The following RNF128 variants were observed in gnomAD, a reference collection of about 807,000 sequenced individuals.
RNF128 encodes the protein E3 ubiquitin-protein ligase RNF128.
A neutral mutation model predicts 26.2 loss-of-function variants in RNF128; 13 were observed. That is an observed-to-expected ratio of 0.50 (90% CI 0.32 to 0.79). RNF128 has a LOEUF of 0.79. Among genes scored for constraint, RNF128 ranks in the 30% least tolerant of loss-of-function variants. RNF128 has a pLI of 0.03. For synonymous variants in RNF128, 149 were observed against 142.5 expected (o/e 1.05, Z -0.32); for missense variants, 315 against 349.7 (o/e 0.90, Z 0.79).
At chrX:106,778,954 C>T (rs1362129447) in intron 2 of RNF128, among the ~76,000 whole-genome samples, 1 of 112,004 alleles carries the variant, frequency 8.9e-6, no homozygotes, top group South Asian at 3.7e-4. Flanking sequence ...CCACTATTAA[C>T]ATATATACAT....
At chrX:106,713,085 T>C (rs760746914) in intron 1 of RNF128, among the ~76,000 whole-genome samples, 1 of 108,295 alleles carries the variant, frequency 9.2e-6, no homozygotes, top group South Asian at 4.1e-4. Context: ...TTCACCATGT[T>C]GGCCAGGCTG....
intron 1 of RNF128, among the ~76,000 whole-genome samples, chrX:106,757,749 A>T (rs1435126524): frequency 3.7e-5 from 4 of 108,792 alleles, no homozygotes; most frequent in South Asian, 3.8e-4. Context: ...AAATAAATTT[A>T]AAAAAAACCC....
chrX:106,763,927 T>TTTTGGTTTGG lies in RNF128; in HGVS notation c.485-8957_485-8948dup, dbSNP rs749984429. 4.6e-3 allele frequency among the ~76,000 whole-genome samples: 482 copies of TTTTGGTTTGG among 105,778 alleles called. 3 individuals are homozygous for TTTTGGTTTGG. Among genetic ancestry groups the TTTTGGTTTGG allele is most frequent in the African/African-American group, 7.4e-3 (207 of 28,073 alleles). The allele number at this position is 105,778 out of a possible 115,157, so 91.9% of individuals were successfully genotyped here. On this transcript the variant is annotated intron_variant, in intron 1 of 6. Transcript: ENST00000255499. ...TGTACATTTCTTGCCTATCCTTGTT[T>TTTTGGTTTGG]TTTGGTTTGGTTTGGTTTGGTTTGG...
intron 1 of RNF128, among the ~76,000 whole-genome samples, chrX:106,698,595 A>C (rs1353928376): frequency 9.0e-6 from 1 of 111,512 alleles, no homozygotes; most frequent in East Asian, 2.8e-4. Flanking sequence ...TTGCATTTCA[A>C]ATGAGCCTCA....
chrX:106,760,233 A>C (rs2147686762), intron 1 of RNF128, among the ~76,000 whole-genome samples: 1 of 112,086 alleles, frequency 8.9e-6, no homozygotes, highest in South Asian at 3.7e-4. Context: ...TCCTAAAAAT[A>C]GCAGATAAAG....
At chrX:106,718,864 C>T (rs924146819) in intron 1 of RNF128, among the ~76,000 whole-genome samples, 1 of 111,725 alleles carries the variant, frequency 9.0e-6, no homozygotes, top group Admixed American at 9.5e-5. Context: ...TTCAGTTGTC[C>T]CAACTACGTG....
intron 1 of RNF128, among the ~76,000 whole-genome samples, chrX:106,746,342 T>C (rs1175057131): frequency 9.0e-6 from 1 of 111,370 alleles, no homozygotes; most frequent in Non-Finnish European, 1.9e-5. Flanking sequence ...TGCTAGAATA[T>C]TTAATATATT....
chrX:106,748,609 T>C (rs984534108), intron 1 of RNF128, among the ~76,000 whole-genome samples: 2 of 112,165 alleles, frequency 1.8e-5, no homozygotes, highest in African/African-American at 6.5e-5. Context: ...TGAAATCCTG[T>C]CATTTGTAGC....
At chrX:106,775,496 G>A (rs760073216) in intron 2 of RNF128, among the ~76,000 whole-genome samples, 17 of 111,642 alleles carry the variant, frequency 1.5e-4, no homozygotes, top group Non-Finnish European at 2.6e-4. Flanking sequence ...AACCTCTGTA[G>A]AAATGGTCAA....
intron 1 of RNF128, among the ~76,000 whole-genome samples, chrX:106,750,175 A>G (rs1929858089): frequency 8.9e-6 from 1 of 112,050 alleles, no homozygotes; most frequent in Non-Finnish European, 1.9e-5. Flanking sequence ...TCACGTGGCT[A>G]TGGTGGGAGT....
chrX:106,766,713 G>A (rs1346881188), intron 1 of RNF128, among the ~76,000 whole-genome samples: 16 of 111,802 alleles, frequency 1.4e-4, no homozygotes, highest in African/African-American at 5.2e-4. Flanking sequence ...AAGCTCTTTA[G>A]TTTAATTAGA....
chrX:106,719,304 C>T (rs1296735079), intron 1 of RNF128, among the ~76,000 whole-genome samples: 3 of 110,845 alleles, frequency 2.7e-5, no homozygotes, highest in Non-Finnish European at 5.7e-5. Context: ...ACTTCAACCT[C>T]CCCCACCCTG....
At position 106,727,016 on chromosome X, in the gene RNF128, G is replaced by T; in HGVS notation, c.103G>T (p.Gly35Cys). ...FLLALSPQAP[G>C]SRGAEAVWTA... ...GCTGGCCCTGAGTCCGCAGGCACCCGGTTCCCGGGGGGCTGAAGCAGTGTG... is the reference window on the plus strand; with the variant it reads ...GCTGGCCCTGAGTCCGCAGGCACCCTGTTCCCGGGGGGCTGAAGCAGTGTG... Residue 35 changes from glycine to cysteine, a missense_variant, in exon 1 of 7, where the codon GGT becomes TGT. By Grantham distance (159) the Gly-to-Cys change is radical. Coordinates refer to ENST00000255499, the MANE Select transcript of RNF128 (RefSeq NM_194463.2). 1 of 1,205,664 alleles carries T rather than the reference G, an allele frequency of 8.3e-7. No individual in the cohort carries two copies.
intron 6 of RNF128, among the ~76,000 whole-genome samples, chrX:106,795,204 G>T (rs1930893848): frequency 9.0e-6 from 1 of 111,307 alleles, no homozygotes; most frequent in Non-Finnish European, 1.9e-5. Flanking sequence ...CTATATTTAT[G>T]TGAATGAAGA....
intron 2 of RNF128, 103 bp from the exon 3 acceptor site, chrX:106,784,962 A>G (rs1930629178): frequency 5.3e-6 from 3 of 564,456 alleles, no homozygotes; most frequent in Non-Finnish European, 8.2e-6. Flanking sequence ...TGATTTGTAC[A>G]TTGACTTTTA....
Position 106,700,584 on chromosome X carries a change from G to GAT in RNF128, c.406+6178_406+6179dup, listed in dbSNP as rs1370496174. Among the ~76,000 whole-genome samples, 3 of 111,807 alleles carry GAT rather than the reference G, an allele frequency of 2.7e-5. No homozygotes were observed. In the South Asian group the frequency reaches 1.1e-3, roughly 42 times the overall value. On this transcript the variant is annotated intron_variant, in intron 1 of 6. Transcript: ENST00000324342. ...TTTTTAAATTGTTTTTATTTTTACT[G>GAT]ATACAAGTAATAAATGAGTAGTTTC...
chrX:106,701,371 A>G (rs1020072478), intron 1 of RNF128, among the ~76,000 whole-genome samples: 2 of 111,451 alleles, frequency 1.8e-5, no homozygotes, highest in African/African-American at 6.5e-5. Flanking sequence ...TCAGGACTTC[A>G]GTAAGATTTT....
chrX:106,775,018 A>G (rs1043241604), intron 2 of RNF128, among the ~76,000 whole-genome samples: 4 of 112,148 alleles, frequency 3.6e-5, no homozygotes, highest in African/African-American at 1.3e-4. Context: ...TATGGTAATA[A>G]GTGATGGTTA....
At chrX:106,702,473 C>G (rs2147657898) in intron 1 of RNF128, among the ~76,000 whole-genome samples, 1 of 111,108 alleles carries the variant, frequency 9.0e-6, no homozygotes, top group East Asian at 2.8e-4. Context: ...AATGCCTGAG[C>G]CTATATAAAG....
Sources: allele counts gnomAD v4.1 joint callset (sites outside exome capture counted in the v4.1 genomes callset), GRCh38; gene constraint gnomAD v4.1.1; transcripts MANE v1.5; gene names NCBI Gene and HGNC (gene_info 2026-07-23, HGNC 2026-07-21).